Variants in KCNQ5 observed in about 807,000 individuals in gnomAD.
The protein encoded by KCNQ5 is potassium voltage-gated channel subfamily KQT member 5.
KCNQ5 carries 30 observed loss-of-function variants against 98.2 expected under a neutral mutation model. That is an observed-to-expected ratio of 0.31 (90% CI 0.23 to 0.41). The LOEUF (loss-of-function observed/expected upper bound fraction) is 0.41. Among genes scored for constraint, KCNQ5 ranks in the 10% least tolerant of loss-of-function variants. The probability of loss-of-function intolerance (pLI) is 1.00; values close to 1 mark genes in which losing one functional copy is unlikely to be tolerated. For synonymous variants in KCNQ5, 458 were observed against 449.4 expected, an observed-to-expected ratio of 1.02 and a Z score of -0.24; for missense variants, 835 against 1,182.5, an observed-to-expected ratio of 0.71 and a Z score of 4.31.
At chr6:73,120,937 G>C (rs1034345543) in intron 8 of KCNQ5, among the ~76,000 whole-genome samples, 1 of 152,132 alleles carries the variant, frequency 6.6e-6, no homozygotes, top group Non-Finnish European at 1.5e-5. Context: ...CCCATCGCCT[G>C]ACCCCAAGAG....
chr6:73,101,839 A>G (rs1001149256), intron 5 of KCNQ5, among the ~76,000 whole-genome samples: 3 of 152,300 alleles, frequency 2.0e-5, no homozygotes, highest in African/African-American at 4.8e-5. Context: ...CAATCTACAA[A>G]TTCAGAGCAA....
At chr6:72,902,894 A>T (rs1311651700) in intron 1 of KCNQ5, among the ~76,000 whole-genome samples, 3 of 151,968 alleles carry the variant, frequency 2.0e-5, no homozygotes, top group Admixed American at 6.6e-5. Flanking sequence ...ATCTTATGAA[A>T]TAGTGTCAAC....
intron 2 of KCNQ5, among the ~76,000 whole-genome samples, chr6:73,014,813 AT>A (rs933937190): frequency 1.3e-5 from 2 of 152,088 alleles, no homozygotes; most frequent in Non-Finnish European, 2.9e-5. Context: ...GGGCACATGC[AT>A]TTTTAATTGC....
chr6:72,742,094 C>T (rs770807595), intron 1 of KCNQ5, among the ~76,000 whole-genome samples: 7 of 152,098 alleles, frequency 4.6e-5, no homozygotes, highest in African/African-American at 7.2e-5. Flanking sequence ...AAGGTTTATT[C>T]GCTTGGGGAT....
At chr6:73,059,697 A>G (rs1772693088) in intron 3 of KCNQ5, among the ~76,000 whole-genome samples, 1 of 152,036 alleles carries the variant, frequency 6.6e-6, no homozygotes, top group East Asian at 1.9e-4. Context: ...CTGTTTTTCT[A>G]TGAAAATTTT....
intron 5 of KCNQ5, among the ~76,000 whole-genome samples, chr6:73,095,609 G>T (rs979836836): frequency 3.3e-5 from 5 of 152,274 alleles, no homozygotes; most frequent in South Asian, 2.1e-4. Flanking sequence ...TTGTACCACA[G>T]GGTGTTCCCT....
intron 1 of KCNQ5, among the ~76,000 whole-genome samples, chr6:72,958,062 A>G (rs1767171145): frequency 6.6e-6 from 1 of 152,208 alleles, no homozygotes; most frequent in South Asian, 2.1e-4. Context: ...TGCCTGGCAC[A>G]TAATAGGTGC....
intron 1 of KCNQ5, among the ~76,000 whole-genome samples, chr6:72,949,239 G>A (rs1027211983): frequency 1.3e-5 from 2 of 152,126 alleles, no homozygotes; most frequent in African/African-American, 4.8e-5. Context: ...TATAAATAGT[G>A]GAAAAATAAT....
chr6:73,090,453 A>G (rs577597564), intron 5 of KCNQ5, among the ~76,000 whole-genome samples: 1 of 152,018 alleles, frequency 6.6e-6, no homozygotes, highest in East Asian at 1.9e-4. Flanking sequence ...TATTGCATTC[A>G]CTTTTGGGTT....
At chr6:73,187,756 A>G (rs1348793368) in intron 11 of KCNQ5, among the ~76,000 whole-genome samples, 1 of 152,240 alleles carries the variant, frequency 6.6e-6, no homozygotes, top group Admixed American at 6.5e-5. Context: ...AAATTATGTA[A>G]GTAAAAATGA....
At chr6:73,021,645 A>C (rs958210740) in intron 2 of KCNQ5, among the ~76,000 whole-genome samples, 2 of 152,208 alleles carry the variant, frequency 1.3e-5, no homozygotes, top group African/African-American at 4.8e-5. Flanking sequence ...ACTTCATGTA[A>C]TGAATGAGTA....
At chr6:72,633,283 T>C (rs542377399) in intron 1 of KCNQ5, among the ~76,000 whole-genome samples, 1 of 152,310 alleles carries the variant, frequency 6.6e-6, no homozygotes, top group African/African-American at 2.4e-5. Context: ...GGGTTGTTTT[T>C]TGCTTGTTGA....
At chr6:72,889,100 T>C (rs1018906197) in intron 1 of KCNQ5, among the ~76,000 whole-genome samples, 1 of 152,122 alleles carries the variant, frequency 6.6e-6, no homozygotes, top group African/African-American at 2.4e-5. Context: ...AAAGAAAAGA[T>C]TACAATTTTT....
intron 1 of KCNQ5, among the ~76,000 whole-genome samples, chr6:72,784,417 G>T (rs937847627): frequency 1.3e-5 from 2 of 152,152 alleles, no homozygotes; most frequent in African/African-American, 4.8e-5. Flanking sequence ...CTGCTGTGGA[G>T]GGGAGAAGAC....
At chr6:72,781,838 A>C (rs1459377600) in intron 1 of KCNQ5, among the ~76,000 whole-genome samples, 2 of 152,208 alleles carry the variant, frequency 1.3e-5, no homozygotes, top group African/African-American at 4.8e-5. Context: ...TCAAGACTGG[A>C]AATATCAGGA....
intron 1 of KCNQ5, among the ~76,000 whole-genome samples, chr6:72,631,182 C>G (rs561289266): frequency 2.0e-5 from 3 of 152,058 alleles, no homozygotes; most frequent in Non-Finnish European, 4.4e-5. Context: ...AACAGGTTGG[C>G]GAATTGCAGG....
chr6:73,001,753 G>C (rs1574007), intron 1 of KCNQ5, among the ~76,000 whole-genome samples: 8,370 of 152,180 alleles, frequency 0.055, 783 homozygotes, highest in African/African-American at 0.19. Flanking sequence ...GGTCAGGTAG[G>C]TGCACTGGAT....
chr6:72,942,897 G>T lies in KCNQ5; in HGVS notation c.399-61011G>T, dbSNP rs1766373439. 1.3e-5 allele frequency among the ~76,000 whole-genome samples: 2 copies of T among 152,114 alleles called. 1 individual carries two copies. Among genetic ancestry groups the T allele is most frequent in the South Asian group, 4.1e-4 (2 of 4,826 alleles). On this transcript the variant is annotated intron_variant, in intron 1 of 13. Transcript: ENST00000370398. ...ATGAAAAATCACCTTTTTGAAGTTT[G>T]TCTTTCACTTTATGCCGTATTTGGC...
At chr6:72,844,789 T>C (rs529170111) in intron 1 of KCNQ5, among the ~76,000 whole-genome samples, 2 of 152,310 alleles carry the variant, frequency 1.3e-5, no homozygotes, top group African/African-American at 4.8e-5. Context: ...GTTGTGACAT[T>C]TCGTGGCCAC....
Sources: allele counts gnomAD v4.1 joint callset (sites outside exome capture counted in the v4.1 genomes callset), GRCh38; gene constraint gnomAD v4.1.1; transcripts MANE v1.5; gene names NCBI Gene and HGNC (gene_info 2026-07-23, HGNC 2026-07-21).